Variants in AKAP19 observed in about 807,000 individuals in gnomAD.
AKAP19 encodes small A-kinase anchoring protein.
the AKAP19 span, among the ~76,000 whole-genome samples, chr2:189,911,083 C>T: frequency 6.6e-6 from 1 of 151,950 alleles, no homozygotes. Flanking sequence ...GAATTTTACT[C>T]CATCTGAGGA....
the AKAP19 span, among the ~76,000 whole-genome samples, chr2:190,123,959 T>C: frequency 6.6e-6 from 1 of 152,198 alleles, no homozygotes; most frequent in Non-Finnish European, 1.5e-5. Flanking sequence ...TATCCTACCT[T>C]GGACAACAGA....
chr2:189,984,348 G>A, the AKAP19 span, among the ~76,000 whole-genome samples: 4 of 152,088 alleles, frequency 2.6e-5, no homozygotes, highest in Admixed American at 1.3e-4. Flanking sequence ...GTTCCATGCC[G>A]AGAAAAAGAA....
chr2:190,016,323 A>C, the AKAP19 span, among the ~76,000 whole-genome samples: 2 of 152,190 alleles, frequency 1.3e-5, no homozygotes, highest in Admixed American at 6.5e-5. Context: ...GAAGGGGAAG[A>C]GGTATGTCTT....
At chr2:189,936,286 G>A in the AKAP19 span, among the ~76,000 whole-genome samples, 28 of 133,546 alleles carry the variant, frequency 2.1e-4, no homozygotes, top group East Asian at 6.1e-3. Flanking sequence ...ACACACACAC[G>A]GCTATCTCTC....
At chr2:190,092,719 A>G in the AKAP19 span, among the ~76,000 whole-genome samples, 20 of 152,336 alleles carry the variant, frequency 1.3e-4, no homozygotes, top group East Asian at 3.9e-3. Context: ...AGTCTAACAG[A>G]AGTATTCAAA....
chr2:190,085,235 TGG>T, the AKAP19 span, among the ~76,000 whole-genome samples: 1 of 152,250 alleles, frequency 6.6e-6, no homozygotes, highest in Non-Finnish European at 1.5e-5. Context: ...AATCTCTGGA[TGG>T]TAATTAGGTT....
the AKAP19 span, chr2:190,189,670 C>G: frequency 6.6e-6 from 1 of 151,924 alleles, no homozygotes; most frequent in Admixed American, 6.5e-5. Flanking sequence ...ATATCCCTCT[C>G]TCTACTCTAC....
the AKAP19 span, among the ~76,000 whole-genome samples, chr2:189,905,901 C>T: frequency 2.0e-5 from 3 of 152,146 alleles, no homozygotes; most frequent in South Asian, 6.2e-4. Context: ...TAGAATGGTA[C>T]ATTTTCCTCT....
the AKAP19 span, among the ~76,000 whole-genome samples, chr2:190,010,936 C>T: frequency 6.6e-6 from 1 of 150,786 alleles, no homozygotes; most frequent in Non-Finnish European, 1.5e-5. Context: ...ATTTGAGTAT[C>T]TTATATATTT....
chr2:189,921,079 G>A, the AKAP19 span, among the ~76,000 whole-genome samples: 3 of 151,732 alleles, frequency 2.0e-5, no homozygotes, highest in Non-Finnish European at 2.9e-5. Flanking sequence ...TCATTTCAGC[G>A]GAATTTCTGC....
chr2:190,143,016 A>G, the AKAP19 span, among the ~76,000 whole-genome samples: 1 of 152,100 alleles, frequency 6.6e-6, no homozygotes, highest in South Asian at 2.1e-4. Context: ...TATACTAAAT[A>G]TGGATGTTCT....
At chr2:189,976,421 G>A in the AKAP19 span, among the ~76,000 whole-genome samples, 3 of 152,220 alleles carry the variant, frequency 2.0e-5, no homozygotes, top group South Asian at 2.1e-4. Context: ...CTCTTCAGGG[G>A]TCAGGGACCC....
At chr2:189,996,368 A>G in the AKAP19 span, among the ~76,000 whole-genome samples, 1 of 152,074 alleles carries the variant, frequency 6.6e-6, no homozygotes, top group East Asian at 1.9e-4. Flanking sequence ...TCTTTCTTCT[A>G]CTTGTTCTAG....
chr2:190,196,043 C>T, the AKAP19 span, among the ~76,000 whole-genome samples: 1 of 133,836 alleles, frequency 7.5e-6, no homozygotes, highest in African/African-American at 2.8e-5. Flanking sequence ...CTAGTCTGAT[C>T]ATCTCTGCCT....
the AKAP19 span, among the ~76,000 whole-genome samples, chr2:189,921,498 G>C: frequency 6.6e-6 from 1 of 152,154 alleles, no homozygotes; most frequent in Non-Finnish European, 1.5e-5. Context: ...AGATTAGGAG[G>C]TGAGGGATTA....
At chr2:189,916,719 T>A in the AKAP19 span, among the ~76,000 whole-genome samples, 19 of 152,240 alleles carry the variant, frequency 1.2e-4, no homozygotes, top group Non-Finnish European at 2.5e-4. Flanking sequence ...TGTAAACTTT[T>A]ATGATTGGCT....
the AKAP19 span, among the ~76,000 whole-genome samples, chr2:190,102,950 T>C: frequency 1.3e-5 from 2 of 152,102 alleles, no homozygotes; most frequent in African/African-American, 2.4e-5. Context: ...CTTAACGAAA[T>C]GCTAGCAGAC....
chr2:189,900,165 T>A, the AKAP19 span, among the ~76,000 whole-genome samples: 1 of 152,222 alleles, frequency 6.6e-6, no homozygotes, highest in Non-Finnish European at 1.5e-5. Context: ...ATTGTTGCAA[T>A]TTAGTTTGTT....
At chr2:189,927,463 G>A in the AKAP19 span, among the ~76,000 whole-genome samples, 244 of 152,218 alleles carry the variant, frequency 1.6e-3, no homozygotes, top group African/African-American at 5.8e-3. Flanking sequence ...TTGATTTTAT[G>A]CAGCTATTCT....
Sources: allele counts gnomAD v4.1 joint callset (sites outside exome capture counted in the v4.1 genomes callset), GRCh38; gene constraint gnomAD v4.1.1; transcripts MANE v1.5; gene names NCBI Gene and HGNC (gene_info 2026-07-23, HGNC 2026-07-21).